The following NEURL3 variants were observed in gnomAD, a reference collection of about 807,000 sequenced individuals.
NEURL3 encodes E3 ubiquitin-protein ligase NEURL3.
NEURL3 carries 19 observed loss-of-function variants against 17.6 expected under a neutral mutation model. That is an observed-to-expected ratio of 1.08 (90% CI 0.75 to 1.58). The LOEUF (loss-of-function observed/expected upper bound fraction) is 1.58, where lower values mean the gene tolerates loss of function less well. Ranked by LOEUF, NEURL3 falls within the 40% of genes most tolerant of loss-of-function variation. The pLI, the probability that NEURL3 is intolerant of heterozygous loss-of-function variation, is 0.00. For missense variants in NEURL3, 342 were observed against 379.6 expected (o/e 0.90, Z 0.82); for synonymous variants, 180 against 161.4 (o/e 1.11, Z -0.87).
At chr2:96,501,228 T>C (rs996520516) in intron 1 of NEURL3, among the ~76,000 whole-genome samples, 1 of 152,190 alleles carries the variant, frequency 6.6e-6, no homozygotes, top group Non-Finnish European at 1.5e-5. Flanking sequence ...TTTTGTTTTG[T>C]TTTGTTTTCA....
upstream of NEURL3, chr2:96,507,789 C>T (rs2065572761): frequency 6.6e-6 from 1 of 152,262 alleles, no homozygotes; most frequent in Admixed American, 6.5e-5. Context: ...AAGTCCAGAA[C>T]TTACCTGACA....
Position 96,497,745 on chromosome 2 carries a change from C to A in NEURL3, c.*499G>T, listed in dbSNP as rs2104600143. The A allele has an allele frequency of 6.5e-6, 1 of 153,852 alleles. No individual in the cohort carries two copies. Among genetic ancestry groups the A allele is most frequent in the South Asian group, 2.1e-4 (1 of 4,846 alleles). The allele number at this position is 153,852 out of a possible 1,614,324, so 9.5% of individuals were successfully genotyped here. A position where few individuals can be genotyped will look rare whatever the true frequency, so the allele number is the denominator to read the frequency against. The stretch of plus-strand genomic sequence containing the variant: ...TCATGTTTTAAATCATCTTCAGATG[C>A]ATGGTCTCTCTGGGACCTCATGACC... On this transcript the variant is annotated 3_prime_UTR_variant, in exon 4 of 4. Coordinates refer to ENST00000451794, the MANE Select transcript of NEURL3 (RefSeq NM_001285485.2).
Position 96,504,027 on chromosome 2 carries a change from C to T in NEURL3, c.28+1232G>A, listed in dbSNP as rs555043696. 3.9e-5 allele frequency among the ~76,000 whole-genome samples: 6 copies of T among 152,342 alleles called. No homozygotes were observed. In the South Asian group the frequency reaches 6.2e-4, roughly 16 times the overall value. ...ATCGCTCCAATTACTCCACCTGCCC[C>T]GGGGTCCCCACTGCTGAGGGGGTGG... On this transcript the variant is annotated intron_variant, in intron 1 of 3. Coordinates refer to ENST00000451794, the MANE Select transcript of NEURL3 (RefSeq NM_001285485.2).
At position 96,498,171 on chromosome 2, in the gene NEURL3, C is replaced by T. The variant is rs970250477; in HGVS notation, c.*73G>A. 23 of 1,374,778 alleles carry T rather than the reference C, an allele frequency of 1.7e-5. No homozygotes were observed. In the East Asian group the frequency reaches 3.6e-4, roughly 21 times the overall value. 85.2% of individuals were successfully genotyped at this position (1,374,778 alleles called of 1,614,324 possible). A position where few individuals can be genotyped will look rare whatever the true frequency, so the allele number is the denominator to read the frequency against. On this transcript the variant is annotated 3_prime_UTR_variant, in exon 4 of 4. Transcript: ENST00000451794. The surrounding 1 kb of genome is among the most constrained non-coding windows in gnomAD (Gnocchi z 4.4). ...CTTCCCCAGAAAGAAGGTAGGGCTG[C>T]GCCTCCTTCCTCTCTGCAGGGGCCA... is the stretch of plus-strand genomic sequence containing the variant.
intron 1 of NEURL3, among the ~76,000 whole-genome samples, chr2:96,501,926 A>C (rs2065511841): frequency 6.6e-6 from 1 of 152,166 alleles, no homozygotes. Flanking sequence ...CTCCCCTCCC[A>C]GATCAGGTCA....
chr2:96,503,327 C>T (rs1292299620), intron 1 of NEURL3, among the ~76,000 whole-genome samples: 1 of 152,160 alleles, frequency 6.6e-6, no homozygotes, highest in African/African-American at 2.4e-5. Context: ...TCTCAGCAGC[C>T]CTGTATGGAG....
At position 96,500,507 on chromosome 2, in the gene NEURL3, AC is replaced by A; in HGVS notation, c.445del (p.Val149CysfsTer10). ...GGCCCAGAGCGGGGCGCCGACGGGC[AC>A]GCCCTCACGCAGCAGGAGCCGGCAG... is the stretch of plus-strand genomic sequence containing the variant. ...AGCRLLLREG[V>X]PVGAPLWAVM... On this transcript the variant is annotated frameshift_variant, in exon 2 of 4. Transcript: ENST00000451794. LOFTEE classifies it high-confidence loss of function. The A allele has an allele frequency of 1.9e-6, 3 of 1,590,582 alleles. No individual in the cohort carries two copies. Among genetic ancestry groups the A allele is most frequent in the Non-Finnish European group, 2.5e-6 (3 of 1,176,644 alleles).
upstream of NEURL3, chr2:96,505,433 G>A: frequency 1.3e-6 from 1 of 741,954 alleles, no homozygotes; most frequent in African/African-American, 1.7e-5. Context: ...CAATGGTGCT[G>A]TCATGTGTTA....
intron 2 of NEURL3, chr2:96,500,217 T>C: frequency 3.3e-6 from 2 of 598,774 alleles, no homozygotes; most frequent in Non-Finnish European, 2.9e-6. Context: ...GTGTGAGTGC[T>C]GGTCCTATCT....
chr2:96,503,390 C>A (rs1054956213), intron 1 of NEURL3, among the ~76,000 whole-genome samples: 1 of 152,172 alleles, frequency 6.6e-6, no homozygotes, highest in African/African-American at 2.4e-5. Context: ...GTGGTGGCTG[C>A]ACAGGTCATT....
chr2:96,506,002 A>G (rs1259373766), upstream of NEURL3, among the ~76,000 whole-genome samples: 1 of 152,196 alleles, frequency 6.6e-6, no homozygotes, highest in African/African-American at 2.4e-5. Context: ...TCTAGCTCCC[A>G]ATGTGTTAGC....
chr2:96,502,110 GCATTAAAGAC>G (rs1384632175), intron 1 of NEURL3, among the ~76,000 whole-genome samples: 2 of 152,186 alleles, frequency 1.3e-5, no homozygotes, highest in Non-Finnish European at 2.9e-5. Flanking sequence ...CCTTTCCCCA[GCATTAAAGAC>G]CAGTGCTCAC....
At chr2:96,499,100 T>C (rs2065471944) in intron 3 of NEURL3, 3 of 1,065,658 alleles carry the variant, frequency 2.8e-6, no homozygotes, top group African/African-American at 3.3e-5. Context: ...TTTATTTCCA[T>C]TGGCAAAGCA....
chr2:96,505,191 G>C, intron 1 of NEURL3, 68 bp downstream of exon 1: 1 of 1,569,456 alleles, frequency 6.4e-7, no homozygotes, highest in Non-Finnish European at 8.7e-7. Context: ...CAATGACACA[G>C]AGCACCCTCT....
At position 96,498,135 on chromosome 2, in the gene NEURL3, C is replaced by A. The variant is rs2065461476; in HGVS notation, c.*109G>T. On this transcript the variant is annotated 3_prime_UTR_variant, in exon 4 of 4. Transcript: ENST00000451794. The surrounding 1 kb of genome is among the most constrained non-coding windows in gnomAD (Gnocchi z 4.4). ...CTCTGCCGCACCTCTTGCTAATCAG[C>A]CTTTCTGACTCTTCCCCAGAAAGAA... 3.4e-6 allele frequency: 4 copies of A among 1,171,382 alleles called. No homozygotes were observed. In the South Asian group the frequency reaches 4.8e-5, roughly 14 times the overall value. 72.6% of individuals were successfully genotyped at this position (1,171,382 alleles called of 1,614,324 possible). A position where few individuals can be genotyped will look rare whatever the true frequency, so the allele number is the denominator to read the frequency against.
intron 1 of NEURL3, among the ~76,000 whole-genome samples, chr2:96,504,061 C>G (rs956285469): frequency 6.6e-6 from 1 of 152,204 alleles, no homozygotes; most frequent in South Asian, 2.1e-4. Context: ...GGACTGCCTG[C>G]GGGCTAAGCA....
chr2:96,507,021 C>T (rs1408412235), upstream of NEURL3, among the ~76,000 whole-genome samples: 1 of 152,166 alleles, frequency 6.6e-6, no homozygotes, highest in African/African-American at 2.4e-5. Flanking sequence ...GACATGCCAC[C>T]CCAAAATATG....
At position 96,500,831 on chromosome 2, in the gene NEURL3, C is replaced by T. The variant is rs1215832686; in HGVS notation, c.122G>A (p.Arg41His). 2 of 1,529,414 alleles carry T rather than the reference C, an allele frequency of 1.3e-6. No homozygotes were observed. The highest frequency in any genetic ancestry group is 1.2e-5 in the South Asian group (1 of 83,792). The allele number at this position is 1,529,414 out of a possible 1,614,324, so 94.7% of individuals were successfully genotyped here. The change falls in exon 2 of 4, where the codon CGC becomes CAC. Residue 41 changes from arginine to histidine, a missense_variant. Coordinates refer to ENST00000451794, the MANE Select transcript of NEURL3 (RefSeq NM_001285485.2). Reference sequence around the variant, plus strand: ...CACGATGCCGTCGTGGAACGTGGTGCGCCTGTGCGCGATGCAGCCACGCGT... The same window carrying T: ...CACGATGCCGTCGTGGAACGTGGTGTGCCTGTGCGCGATGCAGCCACGCGT... Reference protein sequence around the residue: ...LDTRGCIAHRRTTFHDGIVFS... With the variant: ...LDTRGCIAHRHTTFHDGIVFS...
intron 1 of NEURL3, among the ~76,000 whole-genome samples, chr2:96,503,888 A>T (rs2065535367): frequency 6.6e-6 from 1 of 152,228 alleles, no homozygotes; most frequent in South Asian, 2.1e-4. Flanking sequence ...CACAGGGTTC[A>T]GATCATCCTG....
Sources: gnomAD v4.1 joint callset for allele counts (sites outside exome capture counted in the v4.1 genomes callset) on GRCh38, gnomAD v4.1.1 for gene constraint, Gnocchi (gnomAD v3.1) non-coding constraint, MANE v1.5 for transcripts, NCBI Gene and HGNC (gene_info 2026-07-23, HGNC 2026-07-21) for gene names.